PI4KA: variants seen among roughly 807,000 people sequenced by gnomAD.
PI4KA encodes PI4-kinase alpha.
PI4KA carries 122 observed loss-of-function variants against 271.4 expected under a neutral mutation model. That is an observed-to-expected ratio of 0.45 (90% CI 0.39 to 0.52). The LOEUF (loss-of-function observed/expected upper bound fraction) is 0.52, where lower values mean the gene tolerates loss of function less well. PI4KA is among the 20% of genes least tolerant of loss of function. The pLI is 0.00. For missense variants in PI4KA, 1,969 were observed against 2,769.1 expected (o/e 0.71, Z 6.48); for synonymous variants, 1,041 against 1,078.8 (o/e 0.96, Z 0.69).
At chr22:20,784,221 G>C in intron 19 of PI4KA, 1 of 1,614,156 alleles carries the variant, frequency 6.2e-7, no homozygotes, top group Non-Finnish European at 8.5e-7. Context: ...GTGGTGGAGA[G>C]ATGGCAAAAA....
intron 1 of PI4KA, among the ~76,000 whole-genome samples, chr22:20,850,352 C>T (rs575931166): frequency 1.1e-4 from 17 of 152,044 alleles, no homozygotes; most frequent in African/African-American, 3.1e-4. Flanking sequence ...CCTGGAACCC[C>T]GTCTCTACTA....
At chr22:20,856,102 T>C (rs1018741795) in intron 1 of PI4KA, among the ~76,000 whole-genome samples, 2 of 152,134 alleles carry the variant, frequency 1.3e-5, no homozygotes, top group African/African-American at 4.8e-5. Context: ...GCCAATAGGG[T>C]GAAACCCCGT....
chr22:20,756,804 T>A (rs2041776), intron 23 of PI4KA, among the ~76,000 whole-genome samples: 57,698 of 151,790 alleles, frequency 0.38, 11,456 homozygotes, highest in African/African-American at 0.48. Context: ...CTAATTTTTG[T>A]ATTTTTAGTA....
At chr22:20,765,361 C>T (rs1932426808) in intron 20 of PI4KA, 125 bp from the exon 21 acceptor site, 6 of 1,061,462 alleles carry the variant, frequency 5.7e-6, no homozygotes, top group Admixed American at 2.3e-5. Context: ...GGCACAGAAA[C>T]GAAGTCTGTT....
intron 4 of PI4KA, among the ~76,000 whole-genome samples, chr22:20,821,514 C>T (rs772673319): frequency 4.8e-4 from 73 of 152,140 alleles, no homozygotes; most frequent in Non-Finnish European, 8.5e-4. Context: ...GCCACTGCGC[C>T]CAGTCCATAA....
At chr22:20,823,182 A>G (rs111531930) in intron 4 of PI4KA, among the ~76,000 whole-genome samples, 540 of 152,262 alleles carry the variant, frequency 3.5e-3, no homozygotes, top group Middle Eastern at 0.017. Context: ...CCAAAGTGCT[A>G]GGATTACAAG....
intron 14 of PI4KA, among the ~76,000 whole-genome samples, chr22:20,801,111 C>T (rs1432790648): frequency 1.4e-5 from 2 of 147,726 alleles, no homozygotes; most frequent in Admixed American, 6.7e-5. Flanking sequence ...AGGCTGGTCT[C>T]GAACTCCTGA....
intron 4 of PI4KA, among the ~76,000 whole-genome samples, chr22:20,821,528 TTTAAG>T (rs754431810): frequency 1.3e-4 from 19 of 151,864 alleles, no homozygotes; most frequent in South Asian, 1.0e-3. Context: ...TCCATAATTA[TTTAAG>T]TTAAGAAATT....
At chr22:20,787,371 C>T (rs983101013) in intron 19 of PI4KA, 35 of 411,552 alleles carry the variant, frequency 8.5e-5, no homozygotes, top group Middle Eastern at 7.7e-4. Flanking sequence ...AAGCACCTCC[C>T]GCTCCGGTGA....
chr22:20,823,430 C>T (rs2147711462), intron 4 of PI4KA, among the ~76,000 whole-genome samples: 1 of 152,268 alleles, frequency 6.6e-6, no homozygotes, highest in East Asian at 1.9e-4. Flanking sequence ...ATTTAGAATG[C>T]AGACAAGCAA....
chr22:20,813,542 G>T, intron 7 of PI4KA, 36 bp from the exon 8 acceptor site: 1 of 1,607,220 alleles, frequency 6.2e-7, no homozygotes, highest in Non-Finnish European at 8.5e-7. Flanking sequence ...CAGCCGTGGT[G>T]ACAGGCAACT....
rs547410011 is a variant in PI4KA, at chr22:20,759,627, G to A, written c.2791+1677C>T. Among the ~76,000 whole-genome samples, 10 of 151,248 alleles carry A rather than the reference G, an allele frequency of 6.6e-5. 1 individual carries two copies. The highest frequency in any genetic ancestry group is 2.4e-4 in the African/African-American group (10 of 41,140). ...GTCACCAAGGCTGGAGTACAGTTGC[G>A]TGAACTCCACTCACTGCAAGCTCCA... On this transcript the variant is annotated intron_variant, in intron 23 of 54. Transcript: ENST00000255882.
chr22:20,769,945 G>A (rs1164566044), intron 19 of PI4KA, among the ~76,000 whole-genome samples: 1 of 152,212 alleles, frequency 6.6e-6, no homozygotes, highest in Non-Finnish European at 1.5e-5. Context: ...CAGGGCAGAA[G>A]TGAGTGATGT....
At chr22:20,801,829 T>C (rs1343617025) in intron 14 of PI4KA, 144 bp downstream of exon 14, 3 of 829,476 alleles carry the variant, frequency 3.6e-6, no homozygotes, top group South Asian at 1.9e-5. Flanking sequence ...GAGGTAGCAG[T>C]GAGCCGAGAT....
chr22:20,786,182 C>T (rs1232519539), intron 19 of PI4KA: 3 of 1,612,200 alleles, frequency 1.9e-6, no homozygotes. Context: ...CGACCCGTCC[C>T]CAGGGTCTGC....
intron 23 of PI4KA, among the ~76,000 whole-genome samples, chr22:20,757,808 T>C (rs547013679): frequency 7.3e-4 from 111 of 152,234 alleles, no homozygotes; most frequent in Non-Finnish European, 1.2e-3. Flanking sequence ...CCTCCCAGAG[T>C]GCTGGGATTA....
Position 20,727,479 on chromosome 22 carries a change from C to T in PI4KA, c.4774-82G>A, listed in dbSNP as rs890217917. 8 of 1,307,978 alleles carry T rather than the reference C, an allele frequency of 6.1e-6. No homozygotes were observed. The Admixed American group carries it at 8.3e-5, about 13-fold the overall frequency. 81.0% of individuals were successfully genotyped at this position (1,307,978 alleles called of 1,614,324 possible). On this transcript the variant is annotated intron_variant, in intron 40 of 54. Coordinates refer to ENST00000255882, the MANE Select transcript of PI4KA (RefSeq NM_058004.4). ...ACCTGGTCCACGGGCCACACAAGGA[C>T]GGCCATGAGAAGTGATGTTTCTAAG...
intron 36 of PI4KA, among the ~76,000 whole-genome samples, chr22:20,731,188 G>A (rs761632062): frequency 6.6e-6 from 1 of 152,094 alleles, no homozygotes; most frequent in Non-Finnish European, 1.5e-5. Flanking sequence ...CTAAAAAAAA[G>A]TAGAAAATAA....
chr22:20,809,804 ACT>A (rs1186492442), intron 9 of PI4KA, among the ~76,000 whole-genome samples: 1 of 152,128 alleles, frequency 6.6e-6, no homozygotes, highest in East Asian at 1.9e-4. Flanking sequence ...AGTTATAAGA[ACT>A]CTGTTACTTA....
Sources: allele counts gnomAD v4.1 joint callset (sites outside exome capture counted in the v4.1 genomes callset), GRCh38; gene constraint gnomAD v4.1.1; transcripts MANE v1.5; gene names NCBI Gene and HGNC (gene_info 2026-07-23, HGNC 2026-07-21).